The following AOPEP variants were observed in gnomAD, a reference collection of about 807,000 sequenced individuals.
AOPEP encodes the protein aminopeptidase O.
In AOPEP, 77 loss-of-function variants were observed where a neutral mutation model predicts 98.1. The observed-to-expected ratio is 0.78, with a 90% CI of 0.65 to 0.95. AOPEP has a LOEUF of 0.95. AOPEP is among the 40% of genes least tolerant of loss of function. AOPEP has a pLI of 0.00. For missense variants in AOPEP, 1,024 were observed against 1,024.7 expected, an observed-to-expected ratio of 1.00 and a Z score of 0.01; for synonymous variants, 346 against 365.3, an observed-to-expected ratio of 0.95 and a Z score of 0.60.
intron 11 of AOPEP, among the ~76,000 whole-genome samples, chr9:94,985,974 T>C (rs971683536): frequency 1.3e-5 from 2 of 152,252 alleles, no homozygotes; most frequent in African/African-American, 4.8e-5. Flanking sequence ...TTAAAATCTT[T>C]TCATTTTTAG....
chr9:94,955,690 C>G (rs548679466), intron 8 of AOPEP, among the ~76,000 whole-genome samples: 1 of 152,094 alleles, frequency 6.6e-6, no homozygotes, highest in South Asian at 2.1e-4. Flanking sequence ...GAACCAAGTC[C>G]AAACAAAAAT....
chr9:94,741,387 T>C (rs1019305327), intron 1 of AOPEP, among the ~76,000 whole-genome samples: 13 of 151,976 alleles, frequency 8.6e-5, no homozygotes, highest in Admixed American at 1.3e-4. Context: ...ATTCTTCTGC[T>C]TCAGCCCCCC....
chr9:95,142,752 C>A, the AOPEP span, among the ~76,000 whole-genome samples: 1 of 152,198 alleles, frequency 6.6e-6, no homozygotes, highest in Non-Finnish European at 1.5e-5. Context: ...ATTTAACACT[C>A]AGAGCCACCC....
At chr9:94,942,603 C>T (rs992888800) in intron 7 of AOPEP, among the ~76,000 whole-genome samples, 3 of 152,088 alleles carry the variant, frequency 2.0e-5, no homozygotes, top group Admixed American at 6.6e-5. Context: ...AACTACAAGG[C>T]ATCCAGATTG....
chr9:95,031,368 A>G (rs2064283541), intron 13 of AOPEP, among the ~76,000 whole-genome samples: 1 of 151,944 alleles, frequency 6.6e-6, no homozygotes, highest in South Asian at 2.1e-4. Context: ...TTCTCTCCTA[A>G]ACATCCAATC....
chr9:94,808,045 C>CTT (rs1385115392), intron 5 of AOPEP, among the ~76,000 whole-genome samples: 4,038 of 142,612 alleles, frequency 0.028, 201 homozygotes, highest in African/African-American at 0.099. Flanking sequence ...TTTTTTCTTT[C>CTT]TTTTTTTTTT....
intron 3 of AOPEP, among the ~76,000 whole-genome samples, chr9:94,775,136 T>G (rs1455735949): frequency 6.6e-6 from 1 of 152,278 alleles, no homozygotes; most frequent in Non-Finnish European, 1.5e-5. Context: ...TTAAATTTAT[T>G]AGATTTCTCT....
the AOPEP span, among the ~76,000 whole-genome samples, chr9:95,148,684 T>A: frequency 6.6e-6 from 1 of 152,202 alleles, no homozygotes; most frequent in Non-Finnish European, 1.5e-5. Flanking sequence ...AATGAAGATT[T>A]TCCAAATGAA....
chr9:95,014,485 A>G (rs2062823323), intron 13 of AOPEP, among the ~76,000 whole-genome samples: 1 of 151,530 alleles, frequency 6.6e-6, no homozygotes, highest in Non-Finnish European at 1.5e-5. Flanking sequence ...AAAAAAAAAG[A>G]GAAAAGAAAC....
At chr9:94,779,188 C>T (rs939085878) in intron 3 of AOPEP, among the ~76,000 whole-genome samples, 2 of 152,150 alleles carry the variant, frequency 1.3e-5, no homozygotes, top group Non-Finnish European at 2.9e-5. Context: ...CTCACATAGG[C>T]TTTTTCTCTG....
chr9:94,886,321 G>T (rs749058815), intron 5 of AOPEP, among the ~76,000 whole-genome samples: 1 of 152,162 alleles, frequency 6.6e-6, no homozygotes, highest in East Asian at 1.9e-4. Context: ...TCCATAAGCT[G>T]ATTTATAAAA....
the AOPEP span, among the ~76,000 whole-genome samples, chr9:95,119,915 T>C: frequency 6.6e-6 from 1 of 152,332 alleles, no homozygotes; most frequent in South Asian, 2.1e-4. Context: ...TCTTACTTTG[T>C]TGCCCAGGCT....
At chr9:95,102,840 G>A in the AOPEP span, among the ~76,000 whole-genome samples, 1 of 152,208 alleles carries the variant, frequency 6.6e-6, no homozygotes, top group Admixed American at 6.5e-5. Flanking sequence ...AGTAAACGAC[G>A]TGGTGTGGAC....
the AOPEP span, among the ~76,000 whole-genome samples, chr9:95,141,985 GTTTTTTTTTTT>G: frequency 3.6e-5 from 3 of 83,138 alleles, no homozygotes. Flanking sequence ...AGTTTGTGGG[GTTTTTTTTTTT>G]TTTTTTTTTT....
chr9:95,089,027 C>T (rs150320729), downstream of AOPEP, among the ~76,000 whole-genome samples: 433 of 152,326 alleles, frequency 2.8e-3, 3 homozygotes, highest in Non-Finnish European at 4.0e-3. Context: ...AGAGCAGCTC[C>T]GCCACTCTCT....
intron 3 of AOPEP, among the ~76,000 whole-genome samples, chr9:94,775,443 C>T (rs1334411654): frequency 6.6e-6 from 1 of 151,212 alleles, no homozygotes; most frequent in East Asian, 1.9e-4. Context: ...GATCTCTGCT[C>T]ACTGCAACCT....
At chr9:94,741,182 A>C (rs1832983575) in intron 1 of AOPEP, among the ~76,000 whole-genome samples, 1 of 152,126 alleles carries the variant, frequency 6.6e-6, no homozygotes, top group Non-Finnish European at 1.5e-5. Flanking sequence ...GAGAGTTGTG[A>C]ATGGTAAGGA....
At chr9:94,975,346 T>G (rs553312728) in intron 10 of AOPEP, among the ~76,000 whole-genome samples, 1 of 152,346 alleles carries the variant, frequency 6.6e-6, no homozygotes, top group African/African-American at 2.4e-5. Flanking sequence ...AGGTGTTCAA[T>G]AAGCAGTAGC....
At chr9:95,143,406 C>A in the AOPEP span, among the ~76,000 whole-genome samples, 3 of 152,140 alleles carry the variant, frequency 2.0e-5, no homozygotes, top group African/African-American at 7.2e-5. Flanking sequence ...TGGTTGGTTC[C>A]TTTGGCTACC....
Sources: gnomAD v4.1 joint callset for allele counts (sites outside exome capture counted in the v4.1 genomes callset) on GRCh38, gnomAD v4.1.1 for gene constraint, MANE v1.5 for transcripts, NCBI Gene and HGNC (gene_info 2026-07-23, HGNC 2026-07-21) for gene names.